Variants in PTPRT observed in about 807,000 individuals in gnomAD.
PTPRT encodes the protein protein tyrosine phosphatase receptor type T.
A neutral mutation model predicts 176.8 loss-of-function variants in PTPRT; 56 were observed. The observed-to-expected ratio is 0.32, with a 90% CI of 0.26 to 0.40. PTPRT has a LOEUF of 0.40. Ranked by LOEUF, PTPRT falls within the 10% of genes least tolerant of loss-of-function variation. The pLI, the probability that PTPRT is intolerant of heterozygous loss-of-function variation, is 1.00. For synonymous variants in PTPRT, 783 were observed against 739.0 expected (o/e 1.06, Z -0.96); for missense variants, 1,540 against 1,908.2 (o/e 0.81, Z 3.60).
chr20:42,210,984 T>C (rs1263650526), intron 15 of PTPRT, among the ~76,000 whole-genome samples: 1 of 151,692 alleles, frequency 6.6e-6, no homozygotes, highest in East Asian at 1.9e-4. Context: ...CCCTCAGAAA[T>C]AACGCCGCAT....
intron 7 of PTPRT, among the ~76,000 whole-genome samples, chr20:42,523,533 G>A (rs892231631): frequency 2.6e-5 from 4 of 152,074 alleles, no homozygotes; most frequent in African/African-American, 9.7e-5. Flanking sequence ...GTTTCAGTTT[G>A]TTTGTGTGAG....
chr20:42,914,434 G>A (rs143009421), intron 1 of PTPRT, among the ~76,000 whole-genome samples: 29 of 152,286 alleles, frequency 1.9e-4, no homozygotes, highest in African/African-American at 5.3e-4. Flanking sequence ...TCCACAGTCC[G>A]TGGATCCTTA....
At chr20:42,895,725 C>G (rs1000344410) in intron 1 of PTPRT, among the ~76,000 whole-genome samples, 1 of 152,210 alleles carries the variant, frequency 6.6e-6, no homozygotes, top group East Asian at 1.9e-4. Flanking sequence ...ATGATTTTCA[C>G]ATGTCCCAAA....
intron 7 of PTPRT, among the ~76,000 whole-genome samples, chr20:42,532,968 C>T (rs939105911): frequency 2.0e-5 from 3 of 152,186 alleles, no homozygotes; most frequent in East Asian, 1.9e-4. Context: ...AATCCCCACT[C>T]TTAATGCAGG....
intron 15 of PTPRT, among the ~76,000 whole-genome samples, chr20:42,200,730 C>T (rs1022236374): frequency 4.6e-5 from 7 of 152,110 alleles, no homozygotes; most frequent in South Asian, 2.1e-4. Flanking sequence ...ATATATGCAT[C>T]GAAATATAGC....
chr20:42,453,724 G>A (rs1345525031), intron 8 of PTPRT, among the ~76,000 whole-genome samples: 1 of 150,158 alleles, frequency 6.7e-6, no homozygotes, highest in Non-Finnish European at 1.5e-5. Flanking sequence ...AGACTGGAGG[G>A]CAACAGCGTG....
intron 9 of PTPRT, among the ~76,000 whole-genome samples, chr20:42,439,762 A>G (rs553070386): frequency 3.9e-4 from 59 of 152,324 alleles, no homozygotes; most frequent in African/African-American, 1.3e-3. Context: ...CAAATACAGC[A>G]TATGGATAGC....
At chr20:42,840,603 G>A (rs905480214) in intron 2 of PTPRT, among the ~76,000 whole-genome samples, 1 of 152,032 alleles carries the variant, frequency 6.6e-6, no homozygotes, top group Non-Finnish European at 1.5e-5. Context: ...AGTAGAGACG[G>A]GGTTTCACCA....
chr20:43,064,614 G>A (rs922244261), intron 1 of PTPRT, among the ~76,000 whole-genome samples: 3 of 152,198 alleles, frequency 2.0e-5, no homozygotes, highest in Non-Finnish European at 2.9e-5. Flanking sequence ...TTCAAGTTGT[G>A]AACTGCCTGT....
At chr20:43,188,534 C>A (rs1322909359) in intron 1 of PTPRT, among the ~76,000 whole-genome samples, 1 of 152,130 alleles carries the variant, frequency 6.6e-6, no homozygotes, top group African/African-American at 2.4e-5. Context: ...TTCCTTCTTT[C>A]GGTGAAATAA....
rs1231118218 is a variant in PTPRT at position 42,767,076 on chromosome 20, C to A, written c.684+4359G>T. 2.0e-5 allele frequency among the ~76,000 whole-genome samples: 3 copies of A among 152,176 alleles called. No homozygotes were observed. The South Asian group carries it at 6.2e-4, about 31-fold the overall frequency. On this transcript the variant is annotated intron_variant, in intron 5 of 30. Transcript: ENST00000373187. ...ACATCTCAGGAGAAACTGGCCACTG[C>A]CTTGGCCTGTCTTGGATGGTGGCTG...
At chr20:42,546,930 A>C (rs2072686370) in intron 7 of PTPRT, among the ~76,000 whole-genome samples, 1 of 152,182 alleles carries the variant, frequency 6.6e-6, no homozygotes, top group African/African-American at 2.4e-5. Context: ...ACTGTCATAG[A>C]TCTAATAGTA....
At chr20:42,426,215 C>A (rs1011387692) in intron 9 of PTPRT, among the ~76,000 whole-genome samples, 7 of 152,074 alleles carry the variant, frequency 4.6e-5, no homozygotes, top group African/African-American at 1.7e-4. Context: ...GCTCACCACA[C>A]TCCCCTATCC....
intron 6 of PTPRT, among the ~76,000 whole-genome samples, chr20:42,733,211 A>T (rs1569119587): frequency 6.6e-6 from 1 of 152,172 alleles, no homozygotes; most frequent in African/African-American, 2.4e-5. Context: ...AAACAAGGTA[A>T]CTCAGTCTTA....
At chr20:42,690,944 C>T (rs2075783524) in intron 6 of PTPRT, among the ~76,000 whole-genome samples, 1 of 152,144 alleles carries the variant, frequency 6.6e-6, no homozygotes, top group African/African-American at 2.4e-5. Context: ...TCCTTTCTTC[C>T]CATGGCTATT....
intron 4 of PTPRT, among the ~76,000 whole-genome samples, chr20:42,779,849 GT>G (rs11478372): frequency 0.48 from 70,285 of 146,166 alleles, 18,875 homozygotes; most frequent in Non-Finnish European, 0.62. Context: ...GTGGTGGTGT[GT>G]TTTTTTTTTT....
At chr20:42,774,200 A>G (rs2077102040) in intron 4 of PTPRT, among the ~76,000 whole-genome samples, 1 of 152,222 alleles carries the variant, frequency 6.6e-6, no homozygotes, top group African/African-American at 2.4e-5. Context: ...AAAACAAAAC[A>G]AAAATACCAC....
intron 8 of PTPRT, among the ~76,000 whole-genome samples, chr20:42,462,106 G>A (rs1474667545): frequency 6.6e-6 from 1 of 151,944 alleles, no homozygotes; most frequent in African/African-American, 2.4e-5. Context: ...TGAGGGGGAG[G>A]TCAAATATGT....
At chr20:42,418,901 A>T (rs1338550029) in intron 9 of PTPRT, among the ~76,000 whole-genome samples, 1 of 152,156 alleles carries the variant, frequency 6.6e-6, no homozygotes, top group Non-Finnish European at 1.5e-5. Context: ...AAGACTTCCC[A>T]AATTTCATAC....
Sources: gnomAD v4.1 joint callset for allele counts (sites outside exome capture counted in the v4.1 genomes callset) on GRCh38, gnomAD v4.1.1 for gene constraint, MANE v1.5 for transcripts, NCBI Gene and HGNC (gene_info 2026-07-23, HGNC 2026-07-21) for gene names.